Variants in MPP7 observed in about 807,000 individuals in gnomAD.
MPP7 encodes the protein MAGUK p55 scaffold protein 7.
MPP7 carries 60 observed loss-of-function variants against 76.5 expected under a neutral mutation model. The ratio of observed to expected loss-of-function variants is 0.78; its 90% CI spans 0.64 to 0.97. The LOEUF (loss-of-function observed/expected upper bound fraction) is 0.97. Among genes scored for constraint, MPP7 ranks in the 50% least tolerant of loss-of-function variants. The pLI is 0.00. For synonymous variants in MPP7, 237 were observed against 244.5 expected (o/e 0.97, Z 0.29); for missense variants, 641 against 694.0 (o/e 0.92, Z 0.86).
intron 1 of MPP7, among the ~76,000 whole-genome samples, chr10:28,255,235 T>C (rs1220083947): frequency 6.6e-6 from 1 of 152,016 alleles, no homozygotes; most frequent in African/African-American, 2.4e-5. Flanking sequence ...TGCCTCAGCC[T>C]CCCGAGTAGC....
At chr10:28,124,983 G>A in intron 7 of MPP7, 27 bp downstream of exon 7, 1 of 1,592,062 alleles carries the variant, frequency 6.3e-7, no homozygotes, top group Non-Finnish European at 8.6e-7. Context: ...TGATTAGTCT[G>A]TACTTGGTTA....
chr10:28,318,641 T>C, intron 2 of MPP7, among the ~76,000 whole-genome samples: 1 of 152,110 alleles, frequency 6.6e-6, no homozygotes, highest in East Asian at 1.9e-4. Flanking sequence ...GCTGAGATCA[T>C]GCCACTGCAC....
At chr10:28,312,545 G>A (rs1231570410) in intron 2 of MPP7, among the ~76,000 whole-genome samples, 1 of 151,976 alleles carries the variant, frequency 6.6e-6, no homozygotes, top group Non-Finnish European at 1.5e-5. Flanking sequence ...CTTCTACCTT[G>A]TACCAAAAAA....
At chr10:28,270,553 G>GGCC (rs1840295460) in intron 1 of MPP7, among the ~76,000 whole-genome samples, 1 of 103,262 alleles carries the variant, frequency 9.7e-6, no homozygotes, top group East Asian at 3.6e-4. Flanking sequence ...GAGGAGGGGA[G>GGCC]CTGGGGAGGG....
chr10:28,287,127 CA>C (rs1417758309), intron 1 of MPP7, among the ~76,000 whole-genome samples: 1 of 151,966 alleles, frequency 6.6e-6, no homozygotes, highest in Non-Finnish European at 1.5e-5. Context: ...TTCTCAAACG[CA>C]AAATTAGCCT....
chr10:28,273,857 T>C (rs187848725), intron 1 of MPP7, among the ~76,000 whole-genome samples: 1 of 152,304 alleles, frequency 6.6e-6, no homozygotes. Flanking sequence ...AAGGCAGGCA[T>C]GGTGGTGCAC....
chr10:28,331,840 G>A (rs1034662153), intron 1 of MPP7, among the ~76,000 whole-genome samples: 1 of 152,174 alleles, frequency 6.6e-6, no homozygotes, highest in African/African-American at 2.4e-5. Flanking sequence ...CTCCCAAAGT[G>A]CGGGAATTAC....
At chr10:28,123,462 CT>C (rs200098933) in intron 8 of MPP7, among the ~76,000 whole-genome samples, 13,780 of 92,438 alleles carry the variant, frequency 0.15, 708 homozygotes, top group East Asian at 0.35. Context: ...GTACTAAATT[CT>C]TTTTTTTTTT....
chr10:28,061,857 TAAA>T (rs1211159548), intron 13 of MPP7, among the ~76,000 whole-genome samples: 1 of 151,870 alleles, frequency 6.6e-6, no homozygotes, highest in East Asian at 1.9e-4. Flanking sequence ...TTATAAATCA[TAAA>T]AATAAGAAAT....
intron 1 of MPP7, among the ~76,000 whole-genome samples, chr10:28,280,533 A>G (rs961685213): frequency 2.0e-5 from 3 of 152,106 alleles, no homozygotes; most frequent in African/African-American, 4.8e-5. Flanking sequence ...GAACCCATGC[A>G]TACAGGGGCC....
At chr10:28,323,433 G>A (rs1469344900) in intron 2 of MPP7, among the ~76,000 whole-genome samples, 1 of 150,772 alleles carries the variant, frequency 6.6e-6, no homozygotes, top group Non-Finnish European at 1.5e-5. Flanking sequence ...AGCCTAGGCA[G>A]CAGAGTGAGA....
At chr10:28,218,575 T>G (rs1202938817) in intron 2 of MPP7, among the ~76,000 whole-genome samples, 1 of 152,124 alleles carries the variant, frequency 6.6e-6, no homozygotes, top group African/African-American at 2.4e-5. Flanking sequence ...ACGAAGACAC[T>G]ATAAGACCTA....
chr10:28,252,942 G>C (rs527560347), intron 1 of MPP7, among the ~76,000 whole-genome samples: 2 of 151,412 alleles, frequency 1.3e-5, no homozygotes, highest in African/African-American at 4.9e-5. Context: ...GAGTCCCACT[G>C]TGTCACCCAG....
At chr10:28,208,272 G>A (rs1258647444) in intron 2 of MPP7, among the ~76,000 whole-genome samples, 1 of 152,138 alleles carries the variant, frequency 6.6e-6, no homozygotes, top group African/African-American at 2.4e-5. Flanking sequence ...AAGAAACTGT[G>A]CCTGGGACTA....
At chr10:28,153,143 A>T (rs1202317723) in intron 3 of MPP7, among the ~76,000 whole-genome samples, 3 of 152,052 alleles carry the variant, frequency 2.0e-5, no homozygotes, top group Non-Finnish European at 4.4e-5. Context: ...AGTCCTAGCT[A>T]CTCGGGAGGC....
At chr10:28,148,051 C>T (rs887050143) in intron 4 of MPP7, among the ~76,000 whole-genome samples, 43 of 152,142 alleles carry the variant, frequency 2.8e-4, no homozygotes, top group Admixed American at 2.8e-3. Flanking sequence ...AATTAGAATG[C>T]CCCTAATAGA....
chr10:28,255,006 T>A (rs535958178), intron 1 of MPP7: 1 of 152,226 alleles, frequency 6.6e-6, no homozygotes, highest in Non-Finnish European at 1.5e-5. Flanking sequence ...AAAAATACAT[T>A]TGTTATAAAA....
At chr10:28,103,617 T>C (rs79865689) in intron 11 of MPP7, among the ~76,000 whole-genome samples, 1,823 of 152,202 alleles carry the variant, frequency 0.012, 51 homozygotes, top group East Asian at 0.11. Context: ...ATCTAACGAA[T>C]TATTCAGCAA....
chr10:28,142,082 G>C (rs1340982757), intron 5 of MPP7, among the ~76,000 whole-genome samples: 1 of 151,950 alleles, frequency 6.6e-6, no homozygotes, highest in East Asian at 1.9e-4. Context: ...AAAGAAAATA[G>C]GAAAGACAAT....
Sources: allele counts gnomAD v4.1 joint callset (sites outside exome capture counted in the v4.1 genomes callset), GRCh38; gene constraint gnomAD v4.1.1; transcripts MANE v1.5; gene names NCBI Gene and HGNC (gene_info 2026-07-23, HGNC 2026-07-21).